The following NPR3 variants were observed in gnomAD, a reference collection of about 807,000 sequenced individuals.
NPR3 encodes natriuretic peptide receptor 3.
Under a neutral mutation model 54.5 loss-of-function variants are expected in NPR3, and 34 were observed. That is an observed-to-expected ratio of 0.62 (90% confidence interval 0.47 to 0.83). The LOEUF is 0.83. Among genes scored for constraint, NPR3 ranks in the 40% least tolerant of loss-of-function variants. The pLI is 0.00. For synonymous variants in NPR3, 289 were observed against 297.1 expected, an observed-to-expected ratio of 0.97 and a Z score of 0.28; for missense variants, 674 against 720.8, an observed-to-expected ratio of 0.94 and a Z score of 0.74.
Position 32,724,699 on chromosome 5 carries a change from G to A in NPR3, c.771G>A (p.Val257=). The change falls in exon 2 of 8, where the codon GTG becomes GTA. Residue 257 remains valine, a splice_region_variant and synonymous_variant. Transcript: ENST00000265074. ...IVRNIQASER[V]VIMCASSDTI... Reference sequence around the variant, plus strand: ...GTGTGTTGTTTGTTCCTCCCCTAGTGGTGATCATGTGTGCGAGCAGTGACA... The same window carrying A: ...GTGTGTTGTTTGTTCCTCCCCTAGTAGTGATCATGTGTGCGAGCAGTGACA... 1 of 1,613,956 alleles carries A rather than the reference G, an allele frequency of 6.2e-7. No individual in the cohort carries two copies. The highest frequency in any genetic ancestry group is 8.5e-7 in the Non-Finnish European group (1 of 1,179,866).
At chr5:32,716,579 T>C (rs1738562815) in intron 1 of NPR3, 2 of 354,812 alleles carry the variant, frequency 5.6e-6, no homozygotes, top group South Asian at 2.3e-5. Context: ...CCTATTTGAA[T>C]AGCCACTGCA....
intron 1 of NPR3, among the ~76,000 whole-genome samples, chr5:32,690,986 A>G (rs1267332142): frequency 6.6e-6 from 1 of 152,214 alleles, no homozygotes; most frequent in African/African-American, 2.4e-5. Flanking sequence ...CCAGATGAGC[A>G]GATATTTTAA....
chr5:32,730,556 GCTGT>G (rs948960748), intron 2 of NPR3, among the ~76,000 whole-genome samples: 1 of 152,092 alleles, frequency 6.6e-6, no homozygotes. Context: ...AGATGTCATG[GCTGT>G]CTATGTAGAG....
At chr5:32,728,285 A>T (rs1231402360) in intron 2 of NPR3, among the ~76,000 whole-genome samples, 1 of 152,068 alleles carries the variant, frequency 6.6e-6, no homozygotes. Context: ...CAACATGGTG[A>T]AACCCCGTCT....
chr5:32,751,581 C>G (rs569723596), intron 3 of NPR3, among the ~76,000 whole-genome samples: 1 of 152,244 alleles, frequency 6.6e-6, no homozygotes, highest in South Asian at 2.1e-4. Context: ...GCAGGCCACC[C>G]GTAGCTTGTT....
chr5:32,723,223 T>C (rs1233718738), intron 1 of NPR3, among the ~76,000 whole-genome samples: 1 of 152,212 alleles, frequency 6.6e-6, no homozygotes, highest in Non-Finnish European at 1.5e-5. Flanking sequence ...CTGCACAGTA[T>C]GTGTGCAGCA....
intron 3 of NPR3, among the ~76,000 whole-genome samples, chr5:32,772,748 C>T (rs188667650): frequency 1.4e-4 from 21 of 152,236 alleles, no homozygotes; most frequent in African/African-American, 4.8e-4. Flanking sequence ...GCTGATTCTG[C>T]CAGACACTAT....
intron 4 of NPR3, among the ~76,000 whole-genome samples, chr5:32,779,417 G>A (rs1742224955): frequency 6.6e-6 from 1 of 152,154 alleles, no homozygotes; most frequent in Non-Finnish European, 1.5e-5. Context: ...TGCTTTTATT[G>A]ATTAGTTGCT....
At chr5:32,779,480 C>T (rs549315230) in intron 4 of NPR3, among the ~76,000 whole-genome samples, 1 of 152,362 alleles carries the variant, frequency 6.6e-6, no homozygotes, top group East Asian at 1.9e-4. Context: ...CCTCCGTTCT[C>T]TGGCCACCCC....
At chr5:32,745,024 C>T (rs1269374599) in intron 3 of NPR3, among the ~76,000 whole-genome samples, 4 of 152,198 alleles carry the variant, frequency 2.6e-5, no homozygotes, top group African/African-American at 7.2e-5. Context: ...ATCAAACACA[C>T]TTCCTCTACA....
rs113730249 is a variant in NPR3, at chr5:32,790,554, A to T, written c.*4209A>T. 4.6e-4 allele frequency: 76 copies of T among 166,732 alleles called. No homozygotes were observed. Among genetic ancestry groups the T allele is most frequent in the African/African-American group, 1.7e-3 (69 of 41,558 alleles). 10.3% of individuals were successfully genotyped at this position (166,732 alleles called of 1,614,324 possible). Reference sequence around the variant, plus strand: ...GCTCTCGGGGAAGTTCAAGCCTGTGATGTGCATAAACTCCAACAAGCCTGG... The same window carrying T: ...GCTCTCGGGGAAGTTCAAGCCTGTGTTGTGCATAAACTCCAACAAGCCTGG... On this transcript the variant is annotated 3_prime_UTR_variant, in exon 8 of 8. Transcript: ENST00000265074.
chr5:32,788,163 G>T lies in NPR3; in HGVS notation c.*1818G>T, dbSNP rs1444623214. The T allele has an allele frequency of 6.6e-6, 1 of 152,230 alleles. No individual in the cohort carries two copies. Among genetic ancestry groups the T allele is most frequent in the Non-Finnish European group, 1.5e-5 (1 of 68,048 alleles). 9.4% of individuals were successfully genotyped at this position (152,230 alleles called of 1,614,324 possible). A position where few individuals can be genotyped will look rare whatever the true frequency, so the allele number is the denominator to read the frequency against. Reference sequence around the variant, plus strand: ...CCCTTCTGTTGTTTAAGAAATGGGAGCTGGGAGGCAGCTGAGAGGGCGTGA... The same window carrying T: ...CCCTTCTGTTGTTTAAGAAATGGGATCTGGGAGGCAGCTGAGAGGGCGTGA... On this transcript the variant is annotated 3_prime_UTR_variant, in exon 8 of 8. Coordinates refer to ENST00000265074, the MANE Select transcript of NPR3 (RefSeq NM_001204375.2).
chr5:32,720,379 T>A (rs539619845), intron 1 of NPR3, among the ~76,000 whole-genome samples: 1 of 152,338 alleles, frequency 6.6e-6, no homozygotes, highest in East Asian at 1.9e-4. Context: ...ATTTTGGAAA[T>A]AAGTATCCCC....
At chr5:32,699,959 AC>A (rs1454994205) in intron 1 of NPR3, among the ~76,000 whole-genome samples, 1 of 152,212 alleles carries the variant, frequency 6.6e-6, no homozygotes, top group Non-Finnish European at 1.5e-5. Context: ...GAATATTTTC[AC>A]CAGATATACT....
chr5:32,762,182 C>A (rs1741208475), intron 3 of NPR3, among the ~76,000 whole-genome samples: 1 of 152,124 alleles, frequency 6.6e-6, no homozygotes, highest in Non-Finnish European at 1.5e-5. Context: ...TTTTCTTTAT[C>A]CAGTCTACCA....
At chr5:32,700,699 A>G (rs530726842) in intron 1 of NPR3, among the ~76,000 whole-genome samples, 9 of 152,194 alleles carry the variant, frequency 5.9e-5, no homozygotes, top group African/African-American at 2.2e-4. Context: ...TTCCAGCTTC[A>G]TCCATGTCCC....
At chr5:32,704,744 A>G (rs1268601698), upstream of NPR3, among the ~76,000 whole-genome samples, 1 of 152,222 alleles carries the variant, frequency 6.6e-6, no homozygotes, top group South Asian at 2.1e-4. Flanking sequence ...GTAAGACCCA[A>G]TGGCTCTGCA....
chr5:32,752,773 G>C (rs796279870), intron 3 of NPR3, among the ~76,000 whole-genome samples: 5 of 152,242 alleles, frequency 3.3e-5, no homozygotes, highest in African/African-American at 1.2e-4. Context: ...TGTTGCAGGA[G>C]GAATGGCTGA....
At chr5:32,727,605 A>C (rs959684715) in intron 2 of NPR3, among the ~76,000 whole-genome samples, 3 of 152,006 alleles carry the variant, frequency 2.0e-5, no homozygotes, top group Non-Finnish European at 4.4e-5. Context: ...ATTGTGCATT[A>C]TTCTTGCTGA....
Sources: allele counts gnomAD v4.1 joint callset (sites outside exome capture counted in the v4.1 genomes callset), GRCh38; gene constraint gnomAD v4.1.1; transcripts MANE v1.5; gene names NCBI Gene and HGNC (gene_info 2026-07-23, HGNC 2026-07-21).